VANGL1: variants seen among roughly 807,000 people sequenced by gnomAD.
The protein encoded by VANGL1 is VANGL planar cell polarity protein 1.
A neutral mutation model predicts 48.4 loss-of-function variants in VANGL1; 18 were observed. The ratio of observed to expected loss-of-function variants is 0.37; its 90% CI spans 0.26 to 0.55. The LOEUF (loss-of-function observed/expected upper bound fraction) is 0.55, where lower values mean the gene tolerates loss of function less well. VANGL1 is among the 20% of genes least tolerant of loss of function. The pLI, the probability that VANGL1 is intolerant of heterozygous loss-of-function variation, is 0.81. For missense variants in VANGL1, 667 were observed against 675.8 expected, an observed-to-expected ratio of 0.99 and a Z score of 0.14; for synonymous variants, 257 against 261.8, an observed-to-expected ratio of 0.98 and a Z score of 0.18.
At chr1:115,690,818 G>A (rs986396303) in intron 7 of VANGL1, among the ~76,000 whole-genome samples, 12 of 152,300 alleles carry the variant, frequency 7.9e-5, no homozygotes, top group African/African-American at 2.4e-4. Flanking sequence ...CAGCCATGAC[G>A]GCTTCCAGCC....
chr1:115,680,015 GTGTGTGT>G (rs1653320416), intron 4 of VANGL1, among the ~76,000 whole-genome samples: 49 of 110,418 alleles, frequency 4.4e-4, no homozygotes, highest in Non-Finnish European at 7.3e-4. Context: ...GTGTGTGTGT[GTGTGTGT>G]ATGTGAGAGA....
chr1:115,674,931 G>A (rs539458042), intron 4 of VANGL1, among the ~76,000 whole-genome samples: 126 of 150,868 alleles, frequency 8.4e-4, no homozygotes, highest in African/African-American at 2.7e-3. Context: ...GAAGTAGAAG[G>A]GACCATGTGT....
intron 7 of VANGL1, among the ~76,000 whole-genome samples, chr1:115,687,934 T>TTAGG (rs202195478): frequency 0.036 from 3,827 of 107,538 alleles, 735 homozygotes; most frequent in East Asian, 0.069. Flanking sequence ...ATATCATTCA[T>TTAGG]TAGGTAGATA....
rs1487802254 is a variant in VANGL1, at chr1:115,695,525, A to G, written c.*4146A>G. The G allele has an allele frequency of 5.9e-5, 9 of 152,792 alleles. No individual in the cohort carries two copies. 9.5% of individuals were successfully genotyped at this position (152,792 alleles called of 1,614,324 possible). A position where few individuals can be genotyped will look rare whatever the true frequency, so the allele number is the denominator to read the frequency against. On this transcript the variant is annotated 3_prime_UTR_variant, in exon 8 of 8. Transcript: ENST00000355485. ...AGTAGCGAAATGAGATAGTTTAGAC[A>G]CTGTTGAAATAACTGCATTGAGCTT...
chr1:115,668,577 A>G (rs1652871147), intron 4 of VANGL1, among the ~76,000 whole-genome samples: 1 of 152,226 alleles, frequency 6.6e-6, no homozygotes, highest in Non-Finnish European at 1.5e-5. Context: ...ACCACTTAGT[A>G]GTTTAAAACA....
At chr1:115,655,397 A>G (rs1443848137) in intron 2 of VANGL1, among the ~76,000 whole-genome samples, 1 of 152,250 alleles carries the variant, frequency 6.6e-6, no homozygotes, top group African/African-American at 2.4e-5. Flanking sequence ...AGAACCACCT[A>G]AACAGATGCA....
chr1:115,656,322 A>C (rs2101319381), intron 2 of VANGL1, among the ~76,000 whole-genome samples: 1 of 152,326 alleles, frequency 6.6e-6, no homozygotes, highest in South Asian at 2.1e-4. Context: ...GGCATTTCAC[A>C]AAGAAGCAAA....
Position 115,689,383 on chromosome 1 carries a change from G to C in VANGL1, c.1315-1736G>C, listed in dbSNP as rs545425523. Among the ~76,000 whole-genome samples the C allele has an allele frequency of 1.5e-5, 2 of 136,208 alleles. 1 individual carries two copies. The highest frequency in any genetic ancestry group is 4.2e-4 in the East Asian group (2 of 4,778). 89.4% of individuals were successfully genotyped at this position (136,208 alleles called of 152,430 possible). ...GCGGTGGCTCACACCTGTAATCCCA[G>C]CACTTTGAGAGGCTGAGGCAGGTCA... is the stretch of plus-strand genomic sequence containing the variant. On this transcript the variant is annotated intron_variant, in intron 7 of 7. Transcript: ENST00000355485.
At position 115,692,511 on chromosome 1, in the gene VANGL1, C is replaced by A. The variant is rs772549096; in HGVS notation, c.*1132C>A. The A allele has an allele frequency of 6.6e-6, 1 of 152,666 alleles. No individual in the cohort carries two copies. The highest frequency in any genetic ancestry group is 1.5e-5 in the Non-Finnish European group (1 of 68,104). 9.5% of individuals were successfully genotyped at this position (152,666 alleles called of 1,614,324 possible). A position where few individuals can be genotyped will look rare whatever the true frequency, so the allele number is the denominator to read the frequency against. On this transcript the variant is annotated 3_prime_UTR_variant, in exon 8 of 8. Coordinates refer to ENST00000355485, the MANE Select transcript of VANGL1 (RefSeq NM_138959.3). ...AACTCATCGCCTCTGCCACTTAGGA[C>A]CAGGAAAGAGGCTGGTTTTGCTCCC...
chr1:115,665,849 G>A (rs1652759058), intron 4 of VANGL1, among the ~76,000 whole-genome samples: 2 of 152,184 alleles, frequency 1.3e-5, no homozygotes, highest in African/African-American at 4.8e-5. Flanking sequence ...TCTGCTGTGT[G>A]CAGAGCCCTG....
chr1:115,660,112 A>G (rs1652491430), intron 3 of VANGL1, among the ~76,000 whole-genome samples: 1 of 152,080 alleles, frequency 6.6e-6, no homozygotes, highest in Non-Finnish European at 1.5e-5. Context: ...CAGAAAACCT[A>G]AGAAGTTTAA....
intron 2 of VANGL1, among the ~76,000 whole-genome samples, chr1:115,654,984 A>G (rs923610241): frequency 1.3e-5 from 2 of 152,190 alleles, no homozygotes; most frequent in African/African-American, 4.8e-5. Context: ...GAGAAATGCT[A>G]CTTTAGGAAA....
chr1:115,677,801 A>G (rs2101021849), intron 4 of VANGL1, among the ~76,000 whole-genome samples: 1 of 152,308 alleles, frequency 6.6e-6, no homozygotes, highest in South Asian at 2.1e-4. Flanking sequence ...GGTCCTGTTC[A>G]GTCAGGCTAC....
At chr1:115,680,715 G>A (rs59985662) in intron 4 of VANGL1, among the ~76,000 whole-genome samples, 1 of 152,100 alleles carries the variant, frequency 6.6e-6, no homozygotes, top group Non-Finnish European at 1.5e-5. Flanking sequence ...TTGAAGCAGA[G>A]CTCCAAGGGG....
At chr1:115,672,420 C>T (rs189886397) in intron 4 of VANGL1, among the ~76,000 whole-genome samples, 6 of 152,282 alleles carry the variant, frequency 3.9e-5, no homozygotes, top group East Asian at 1.9e-4. Context: ...GCCCGAGGCA[C>T]GAGTGAATCC....
intron 1 of VANGL1, among the ~76,000 whole-genome samples, chr1:115,647,526 G>T (rs554017772): frequency 6.6e-6 from 1 of 152,308 alleles, no homozygotes; most frequent in Non-Finnish European, 1.5e-5. Context: ...TTATTAGTTT[G>T]CCTCTTATTG....
At chr1:115,645,652 T>G (rs1468748103) in intron 1 of VANGL1, among the ~76,000 whole-genome samples, 1 of 152,184 alleles carries the variant, frequency 6.6e-6, no homozygotes, top group Non-Finnish European at 1.5e-5. Flanking sequence ...ATTATTTCAA[T>G]TGTCACTTTC....
chr1:115,663,685 A>C lies in VANGL1; in HGVS notation c.229A>C (p.Thr77Pro), dbSNP rs1652653103. ...VQDDNWGETT[T>P]AITGTSEHSI... is the part of the protein sequence containing the mutation. ...GGATGACAACTGGGGAGAGACCACC[A>C]CGGCCATCACAGGCACCTCGGAGCA... The change falls in exon 4 of 8, where the codon ACG (threonine) becomes CCG (proline). Residue 77 changes from threonine (T) to proline (P), a missense_variant. Thr to Pro is a conservative substitution (Grantham distance 38). Transcript: ENST00000355485. 6.2e-7 allele frequency: 1 copy of C among 1,614,000 alleles called. No homozygotes were observed. The highest frequency in any genetic ancestry group is 1.7e-5 in the Admixed American group (1 of 59,998).
At chr1:115,660,210 G>A (rs1006201457) in intron 3 of VANGL1, among the ~76,000 whole-genome samples, 4 of 152,186 alleles carry the variant, frequency 2.6e-5, no homozygotes, top group Non-Finnish European at 5.9e-5. Flanking sequence ...GTAGAGAAAC[G>A]TAAGTTAATT....
Sources: allele counts gnomAD v4.1 joint callset (sites outside exome capture counted in the v4.1 genomes callset), GRCh38; gene constraint gnomAD v4.1.1; transcripts MANE v1.5; gene names NCBI Gene and HGNC (gene_info 2026-07-23, HGNC 2026-07-21).